Variants in GSE1 observed in about 807,000 individuals in gnomAD.
GSE1 encodes the protein genetic suppressor element 1.
Under a neutral mutation model 112.6 loss-of-function variants are expected in GSE1, and 32 were observed. That is an observed-to-expected ratio of 0.28 (90% confidence interval 0.21 to 0.38). The LOEUF is 0.38. Among genes scored for constraint, GSE1 ranks in the 10% least tolerant of loss-of-function variants. The probability of loss-of-function intolerance (pLI) is 1.00; values close to 1 mark genes in which losing one functional copy is unlikely to be tolerated. For missense variants in GSE1, 2,348 were observed against 1,699.2 expected (o/e 1.38, Z -6.71); for synonymous variants, 1,115 against 735.6 (o/e 1.52, Z -8.35).
intron 1 of GSE1, among the ~76,000 whole-genome samples, chr16:85,617,773 T>C (rs1405418157): frequency 1.3e-5 from 2 of 152,044 alleles, no homozygotes; most frequent in Non-Finnish European, 2.9e-5. Context: ...GAATTCCTTC[T>C]CCTGGGAAGA....
chr16:85,558,744 TTATTGTCTTAGTGTAA>T (rs1209307880), intron 1 of GSE1, among the ~76,000 whole-genome samples: 5 of 152,190 alleles, frequency 3.3e-5, no homozygotes, highest in Non-Finnish European at 7.3e-5. Context: ...GTTTTACACT[TTATTGTCTTAGTGTAA>T]TATTCAGGGT....
At chr16:85,638,518 T>C (rs987686690) in intron 2 of GSE1, among the ~76,000 whole-genome samples, 2 of 152,208 alleles carry the variant, frequency 1.3e-5, no homozygotes, top group African/African-American at 4.8e-5. Flanking sequence ...GCTTTGCCTC[T>C]CTGAGCTTCC....
intron 1 of GSE1, among the ~76,000 whole-genome samples, chr16:85,309,075 G>C (rs2045758245): frequency 2.6e-5 from 4 of 151,602 alleles, no homozygotes; most frequent in South Asian, 4.2e-4. Context: ...TTTCTGACAG[G>C]CTCTGAGGGG....
chr16:85,253,237 G>A (rs533835111), intron 1 of GSE1, among the ~76,000 whole-genome samples: 2 of 152,266 alleles, frequency 1.3e-5, no homozygotes, highest in South Asian at 4.1e-4. Flanking sequence ...CACAGCACCC[G>A]CCTGGCTTGC....
intron 1 of GSE1, chr16:85,594,603 G>A (rs1227958355): frequency 6.6e-6 from 1 of 152,274 alleles, no homozygotes; most frequent in East Asian, 1.9e-4. Flanking sequence ...GTGCAGGTTC[G>A]AACTTGGTCT....
At chr16:85,495,678 G>C (rs985378441) in intron 2 of GSE1, among the ~76,000 whole-genome samples, 1 of 152,026 alleles carries the variant, frequency 6.6e-6, no homozygotes, top group African/African-American at 2.4e-5. Flanking sequence ...AAAATTTTTA[G>C]TAGAGATGGG....
At chr16:85,525,127 A>G (rs1404338690) in intron 2 of GSE1, among the ~76,000 whole-genome samples, 1 of 152,042 alleles carries the variant, frequency 6.6e-6, no homozygotes, top group Non-Finnish European at 1.5e-5. Flanking sequence ...TCCACAGGGA[A>G]CCTGAGGGCA....
intron 1 of GSE1, among the ~76,000 whole-genome samples, chr16:85,196,632 G>A (rs1350971736): frequency 6.6e-6 from 1 of 152,108 alleles, no homozygotes; most frequent in East Asian, 1.9e-4. Flanking sequence ...ACACAGACGT[G>A]CTCTTTCCCC....
In GSE1 at chr16:85,443,982, C is replaced by CTTTTTTTT. The variant is rs67916368; in HGVS notation, c.2464+86353_2464+86360dup. Among the ~76,000 whole-genome samples, 12 of 77,632 alleles carry CTTTTTTTT rather than the reference C, an allele frequency of 1.5e-4. 2 individuals are homozygous for CTTTTTTTT. Among genetic ancestry groups the CTTTTTTTT allele is most frequent in the Non-Finnish European group, 2.4e-4 (11 of 44,964 alleles). The allele number at this position is 77,632 out of a possible 152,430, so 50.9% of individuals were successfully genotyped here. On this transcript the variant is annotated intron_variant, in intron 2 of 2. Transcript: ENST00000637419. ...CCACGTTCCGGGAGACAAGGGGGCGCTTTTTTTTTTTTTTTTTTTTTGAGA... is the reference window on the plus strand; with the variant it reads ...CCACGTTCCGGGAGACAAGGGGGCGCTTTTTTTTTTTTTTTTTTTTTTTTTTTTTGAGA...
chr16:85,562,359 C>T (rs928674303), intron 1 of GSE1, among the ~76,000 whole-genome samples: 69 of 151,832 alleles, frequency 4.5e-4, no homozygotes, highest in Admixed American at 6.6e-5. Flanking sequence ...CTGGTTCCCA[C>T]CCCCCCTGCC....
At chr16:85,349,264 CTCTGCTTGCCATTA>C (rs1165203254) in intron 1 of GSE1, among the ~76,000 whole-genome samples, 1 of 152,156 alleles carries the variant, frequency 6.6e-6, no homozygotes, top group Non-Finnish European at 1.5e-5. Context: ...TATTTGGAGC[CTCTGCTTGCCATTA>C]TGGAGCTATT....
At chr16:85,581,673 G>T (rs1283742401) in intron 1 of GSE1, among the ~76,000 whole-genome samples, 2 of 152,160 alleles carry the variant, frequency 1.3e-5, no homozygotes, top group African/African-American at 4.8e-5. Flanking sequence ...CAGCAATCCG[G>T]CCGTCCTAAA....
chr16:85,247,463 C>T (rs557633939), intron 1 of GSE1, among the ~76,000 whole-genome samples: 101 of 152,260 alleles, frequency 6.6e-4, no homozygotes, highest in Non-Finnish European at 1.2e-4. Context: ...ATGCAGGGAC[C>T]GGGCCTGAGC....
At chr16:85,634,821 C>T (rs375770660) in intron 2 of GSE1, among the ~76,000 whole-genome samples, 3 of 152,130 alleles carry the variant, frequency 2.0e-5, no homozygotes, top group African/African-American at 4.8e-5. Flanking sequence ...TACTTTTTGG[C>T]GCCTGCGATG....
chr16:85,258,510 C>A (rs1325850695), intron 1 of GSE1, among the ~76,000 whole-genome samples: 2 of 152,220 alleles, frequency 1.3e-5, no homozygotes, highest in Non-Finnish European at 2.9e-5. Flanking sequence ...TTGCATCCTG[C>A]GGCCCCGTGG....
intron 1 of GSE1, among the ~76,000 whole-genome samples, chr16:85,284,478 G>A (rs2044955661): frequency 6.6e-6 from 1 of 152,162 alleles, no homozygotes; most frequent in African/African-American, 2.4e-5. Flanking sequence ...GCTCCAAGCG[G>A]CACAAACTCC....
At chr16:85,318,280 G>A (rs1183952487) in intron 1 of GSE1, among the ~76,000 whole-genome samples, 4 of 152,114 alleles carry the variant, frequency 2.6e-5, no homozygotes, top group African/African-American at 9.7e-5. Context: ...TTTTTGGATG[G>A]GGGGATAGGG....
chr16:85,667,170 C>G (rs2052933704), intron 13 of GSE1, among the ~76,000 whole-genome samples: 1 of 151,314 alleles, frequency 6.6e-6, no homozygotes, highest in Admixed American at 6.6e-5. Context: ...GAATACCCTC[C>G]CTCCCTGCCC....
intron 2 of GSE1, among the ~76,000 whole-genome samples, chr16:85,467,668 C>G (rs913889500): frequency 2.0e-5 from 3 of 152,178 alleles, no homozygotes; most frequent in Non-Finnish European, 4.4e-5. Flanking sequence ...GCTGTGTGGC[C>G]TTTCCTGACC....
Sources: allele counts gnomAD v4.1 joint callset (sites outside exome capture counted in the v4.1 genomes callset), GRCh38; gene constraint gnomAD v4.1.1; transcripts MANE v1.5; gene names NCBI Gene and HGNC (gene_info 2026-07-23, HGNC 2026-07-21).